Variants in ZNF329 observed in about 807,000 individuals in gnomAD.
ZNF329 encodes zinc finger protein 329.
Under a neutral mutation model 26.6 loss-of-function variants are expected in ZNF329, and 15 were observed. That is an observed-to-expected ratio of 0.56 (90% CI 0.38 to 0.87). The LOEUF (loss-of-function observed/expected upper bound fraction) is 0.87. Among genes scored for constraint, ZNF329 ranks in the 40% least tolerant of loss-of-function variants. The pLI is 0.00. For missense variants in ZNF329, 651 were observed against 651.9 expected (o/e 1.00, Z 0.02); for synonymous variants, 239 against 233.5 (o/e 1.02, Z -0.21).
At chr19:58,149,085 T>C (rs1172208382) in intron 1 of ZNF329, among the ~76,000 whole-genome samples, 1 of 152,138 alleles carries the variant, frequency 6.6e-6, no homozygotes, top group African/African-American at 2.4e-5. Context: ...TAAAGGTGGC[T>C]AAAACCCACC....
chr19:58,147,961 A>G (rs930260110), intron 1 of ZNF329, among the ~76,000 whole-genome samples: 4 of 152,110 alleles, frequency 2.6e-5, no homozygotes, highest in African/African-American at 7.3e-5. Context: ...AAGGGGGGAA[A>G]GGTGGGGAAA....
chr19:58,130,066 T>C (rs1033169556), intron 3 of ZNF329, among the ~76,000 whole-genome samples: 2 of 152,204 alleles, frequency 1.3e-5, no homozygotes, highest in East Asian at 1.9e-4. Flanking sequence ...ACTCCTGTAA[T>C]CCCAGCACTT....
chr19:58,129,601 T>A, intron 3 of ZNF329, 90 bp from the exon 4 acceptor site: 1 of 1,140,888 alleles, frequency 8.8e-7, no homozygotes. Context: ...TGTAAAGATG[T>A]GTATTTTTTT....
chr19:58,131,674 G>GA (rs906200651), intron 3 of ZNF329, among the ~76,000 whole-genome samples: 60 of 151,642 alleles, frequency 4.0e-4, no homozygotes, highest in Non-Finnish European at 8.4e-4. Flanking sequence ...CACATAAAAA[G>GA]AAAAAAAATG....
chr19:58,147,461 G>A (rs1350570551), intron 1 of ZNF329, among the ~76,000 whole-genome samples: 16 of 146,888 alleles, frequency 1.1e-4, no homozygotes, highest in Non-Finnish European at 2.1e-4. Flanking sequence ...CCGTCCGGGA[G>A]GTGAGGGGCG....
rs141391732 is a variant in ZNF329, at chr19:58,148,432, C to T, written c.-208+2320G>A. Among the ~76,000 whole-genome samples, 26 of 150,452 alleles carry T rather than the reference C, an allele frequency of 1.7e-4. No homozygotes were observed. The East Asian group carries it at 4.5e-3, about 26-fold the overall frequency. On this transcript the variant is annotated intron_variant, in intron 1 of 3. Coordinates refer to ENST00000598312, the MANE Select transcript of ZNF329 (RefSeq NM_024620.4). ...AAAAGAGAGGAAGGTAAAAAATTTC[C>T]CTGTTTCTTCTTTTCCAGGTTCAGA...
At chr19:58,133,665 C>A (rs561854219) in intron 3 of ZNF329, among the ~76,000 whole-genome samples, 1 of 151,756 alleles carries the variant, frequency 6.6e-6, no homozygotes, top group East Asian at 1.9e-4. Context: ...TCAAAAAAAC[C>A]CCAAGAACGA....
At chr19:58,138,163 T>G (rs1316127727) in intron 3 of ZNF329, among the ~76,000 whole-genome samples, 4 of 152,138 alleles carry the variant, frequency 2.6e-5, no homozygotes, top group Admixed American at 2.0e-4. Context: ...CAGATTAAAG[T>G]AGAAGACAGC....
Position 58,128,727 on chromosome 19 carries a change from A to G in ZNF329, c.777T>C (p.Tyr259=). The stretch of plus-strand genomic sequence containing the variant: ...AAGCTTTCCCACATTTACTGCATTC[A>G]TAGGGCTTCTCTCCTGTGTGGATTC... ...HQRIHTGEKP[Y]ECSKCGKAFS... Residue 259 remains tyrosine (Y), a synonymous_variant, in exon 4 of 4, where the codon TAT becomes TAC. Transcript: ENST00000598312. 1 of 1,607,998 alleles carries G rather than the reference A, an allele frequency of 6.2e-7. No individual in the cohort carries two copies. Among genetic ancestry groups the G allele is most frequent in the Non-Finnish European group, 8.5e-7 (1 of 1,177,264 alleles).
At chr19:58,149,557 C>G (rs1042893556) in intron 1 of ZNF329, among the ~76,000 whole-genome samples, 4 of 152,012 alleles carry the variant, frequency 2.6e-5, no homozygotes, top group Non-Finnish European at 5.9e-5. Flanking sequence ...AACTTCTATG[C>G]AAATGCGGAA....
At chr19:58,151,455 G>C (rs948826847), upstream of ZNF329, among the ~76,000 whole-genome samples, 1 of 152,006 alleles carries the variant, frequency 6.6e-6, no homozygotes. Context: ...ACAAAAATTA[G>C]CTAGGCGTGG....
intron 1 of ZNF329, among the ~76,000 whole-genome samples, chr19:58,147,437 C>A (rs970188304): frequency 2.7e-5 from 4 of 146,284 alleles, no homozygotes; most frequent in Admixed American, 2.0e-4. Flanking sequence ...CAGCCCCCCG[C>A]CCGGCCAGCC....
chr19:58,141,557 A>G (rs1351685966), intron 3 of ZNF329, among the ~76,000 whole-genome samples: 1 of 152,006 alleles, frequency 6.6e-6, no homozygotes, highest in African/African-American at 2.4e-5. Flanking sequence ...GGCCTCCCAA[A>G]GTGCTGCGAT....
chr19:58,132,876 G>C (rs545096325), intron 3 of ZNF329, among the ~76,000 whole-genome samples: 1 of 151,530 alleles, frequency 6.6e-6, no homozygotes, highest in African/African-American at 2.4e-5. Context: ...GCAGTGGTGC[G>C]ATCTCAGCTC....
intron 3 of ZNF329, among the ~76,000 whole-genome samples, chr19:58,134,245 A>C (rs2075016053): frequency 6.6e-6 from 1 of 152,230 alleles, no homozygotes; most frequent in Non-Finnish European, 1.5e-5. Context: ...AAAATGATCC[A>C]GCCCCAAATG....
At chr19:58,148,390 T>C (rs1031163299) in intron 1 of ZNF329, among the ~76,000 whole-genome samples, 2 of 102,078 alleles carry the variant, frequency 2.0e-5, no homozygotes, top group East Asian at 5.4e-4. Flanking sequence ...GAATGATCAA[T>C]TAAAAAAAAA....
At position 58,128,193 on chromosome 19, in the gene ZNF329, C is replaced by T. The variant is rs773421609; in HGVS notation, c.1311G>A (p.Arg437=). 1.9e-6 allele frequency: 3 copies of T among 1,586,644 alleles called. No individual in the cohort carries two copies. The highest frequency in any genetic ancestry group is 2.6e-6 in the Non-Finnish European group (3 of 1,167,448). ...GGTGCCTAATGAGGCCAGCGATATT[C>T]CTGAAAAGTTTCTGACACTGGTTGC... ...YGCNQCQKLF[R]NIAGLIRHQR... The change falls in exon 4 of 4, where the codon AGG becomes AGA. Residue 437 remains arginine (R), a synonymous_variant. Transcript: ENST00000598312.
Position 58,129,521 on chromosome 19 carries a change from G to T in ZNF329, c.-8-10C>A, listed in dbSNP as rs777663600. On this transcript the variant is annotated splice_polypyrimidine_tract_variant and intron_variant, in intron 3 of 3. Coordinates refer to ENST00000598312, the MANE Select transcript of ZNF329 (RefSeq NM_024620.4). ...AATCTCATATCCCAAACTGCAAAAA[G>T]AAGAAAAATGCAGACTTAGGTATAT... 5.1e-5 allele frequency: 79 copies of T among 1,560,792 alleles called. No homozygotes were observed. Among genetic ancestry groups the T allele is most frequent in the Non-Finnish European group, 6.7e-5 (78 of 1,155,770 alleles).
chr19:58,152,633 G>T (rs1335479042), upstream of ZNF329, among the ~76,000 whole-genome samples: 1 of 152,112 alleles, frequency 6.6e-6, no homozygotes, highest in Non-Finnish European at 1.5e-5. Context: ...CGAGGCAGGT[G>T]GATCACTTGA....
Sources: gnomAD v4.1 joint callset for allele counts (sites outside exome capture counted in the v4.1 genomes callset) on GRCh38, gnomAD v4.1.1 for gene constraint, MANE v1.5 for transcripts, NCBI Gene and HGNC (gene_info 2026-07-23, HGNC 2026-07-21) for gene names.